Variants in CYBRD1 observed in about 807,000 individuals in gnomAD.
CYBRD1 encodes the protein plasma membrane ascorbate-dependent reductase CYBRD1.
Under a neutral mutation model 21.9 loss-of-function variants are expected in CYBRD1, and 14 were observed. The ratio of observed to expected loss-of-function variants is 0.64; its 90% CI spans 0.42 to 1.00. The LOEUF (loss-of-function observed/expected upper bound fraction) is 1.00, where lower values mean the gene tolerates loss of function less well. CYBRD1 is among the 50% of genes least tolerant of loss of function. CYBRD1 has a pLI of 0.00. For missense variants in CYBRD1, 328 were observed against 352.5 expected (o/e 0.93, Z 0.56); for synonymous variants, 146 against 136.5 (o/e 1.07, Z -0.48).
rs1697328129 is a variant in CYBRD1 at position 171,522,806 on chromosome 2, G to C, written c.193+68G>C. The C allele has an allele frequency of 3.1e-6, 5 of 1,600,544 alleles. No homozygotes were observed. The Admixed American group carries it at 8.7e-5, about 28-fold the overall frequency. On this transcript the variant is annotated intron_variant, in intron 1 of 3. Coordinates refer to ENST00000321348, the MANE Select transcript of CYBRD1 (RefSeq NM_024843.4). The surrounding 1 kb of genome is among the most constrained non-coding windows in gnomAD (Gnocchi z 4.3). ...GAACGGCGGGGGCAGAGGGTCCTCC[G>C]TGAAGCCCCTTCCAGCTGAGGAAGT...
chr2:171,541,741 AC>A lies in CYBRD1; in HGVS notation c.351del (p.Tyr117Ter), dbSNP rs1697635922. The A allele has an allele frequency of 1.9e-6, 3 of 1,613,868 alleles. No individual in the cohort carries two copies. In the African/African-American group the frequency reaches 4.0e-5, roughly 22 times the overall value. On this transcript the variant is annotated frameshift_variant, in exon 2 of 4. Transcript: ENST00000321348. LOFTEE classifies it high-confidence loss of function. ...NHNVNNIANM[Y>X]SLHSWVGLIA... ...AATGTTAACAATATAGCCAATATGT[AC>A]AGTCTGCACAGCTGGGTTGGACTGA...
At chr2:171,522,251 C>A, upstream of CYBRD1, 2 of 1,549,950 alleles carry the variant, frequency 1.3e-6, no homozygotes, top group East Asian at 2.4e-5. The surrounding 1 kb of genome is among the most constrained non-coding windows in gnomAD (Gnocchi z 4.3). Context: ...AGGTCTGTTA[C>A]TGAAGCCCTC....
At position 171,553,516 on chromosome 2, in the gene CYBRD1, T is replaced by C. The variant is rs1041285062; in HGVS notation, c.557+16T>C. 6.2e-7 allele frequency: 1 copy of C among 1,605,146 alleles called. No individual in the cohort carries two copies. The highest frequency in any genetic ancestry group is 8.5e-7 in the Non-Finnish European group (1 of 1,175,066). The stretch of plus-strand genomic sequence containing the variant: ...TTTTTTCCCTGTAAGTTGCATAGTC[T>C]TCTTAATTGTAATACTTAAGCCACA... On this transcript the variant is annotated intron_variant, in intron 3 of 3. Transcript: ENST00000321348.
chr2:171,549,423 C>T (rs541616046), intron 2 of CYBRD1, among the ~76,000 whole-genome samples: 1 of 152,186 alleles, frequency 6.6e-6, no homozygotes, highest in East Asian at 1.9e-4. Flanking sequence ...TTGTCTATTT[C>T]TAATTATAAA....
At chr2:171,522,350 A>T (rs1315718126), upstream of CYBRD1, 8 of 1,510,054 alleles carry the variant, frequency 5.3e-6, no homozygotes, top group Non-Finnish European at 7.1e-6. This position sits in a 1 kb window ranked among gnomAD's most constrained non-coding sequence, Gnocchi z 4.3. Flanking sequence ...GGTGGGGCCC[A>T]TTTCTGAGTT....
At chr2:171,540,050 T>C (rs1314156528) in intron 1 of CYBRD1, among the ~76,000 whole-genome samples, 1 of 152,074 alleles carries the variant, frequency 6.6e-6, no homozygotes, top group East Asian at 1.9e-4. Context: ...TTAATTGGAG[T>C]TTGTTCTACA....
intron 2 of CYBRD1, among the ~76,000 whole-genome samples, chr2:171,542,897 T>A (rs1222712940): frequency 2.0e-5 from 3 of 151,972 alleles, no homozygotes; most frequent in Non-Finnish European, 4.4e-5. Context: ...AATAAATAAA[T>A]AAAAATCTTT....
In CYBRD1 at chr2:171,557,027, T is replaced by C. The variant is rs910803335; in HGVS notation, c.*2200T>C. 1 of 152,616 alleles carries C rather than the reference T, an allele frequency of 6.6e-6. No homozygotes were observed. Among genetic ancestry groups the C allele is most frequent in the African/African-American group, 2.4e-5 (1 of 41,436 alleles). The allele number at this position is 152,616 out of a possible 1,614,324, so 9.5% of individuals were successfully genotyped here. On this transcript the variant is annotated 3_prime_UTR_variant, in exon 4 of 4. Transcript: ENST00000321348. Reference sequence around the variant, plus strand: ...ACTAGAATAGCACTGTTGCAAAGTATTTAAGCACCCCCCATCTCAGCCCTT... The same window carrying C: ...ACTAGAATAGCACTGTTGCAAAGTACTTAAGCACCCCCCATCTCAGCCCTT...
chr2:171,539,523 G>A lies in CYBRD1; in HGVS notation c.194-2062G>A, dbSNP rs149696591. Among the ~76,000 whole-genome samples, 12 of 152,190 alleles carry A rather than the reference G, an allele frequency of 7.9e-5. No individual in the cohort carries two copies. In the East Asian group the frequency reaches 1.5e-3, roughly 20 times the overall value. ...CCCTGCTGATATAGTGGAATCCATC[G>A]TCTGAGGAAGTATTCTATAAACTTT... is the stretch of plus-strand genomic sequence containing the variant. On this transcript the variant is annotated intron_variant, in intron 1 of 3. Transcript: ENST00000321348.
At chr2:171,528,190 A>C (rs560424307) in intron 1 of CYBRD1, among the ~76,000 whole-genome samples, 1 of 152,086 alleles carries the variant, frequency 6.6e-6, no homozygotes, top group South Asian at 2.1e-4. Flanking sequence ...GGTTCAAGCG[A>C]TTCTCCTGCC....
At chr2:171,524,760 TC>T (rs141517724) in intron 1 of CYBRD1, among the ~76,000 whole-genome samples, 2,926 of 152,310 alleles carry the variant, frequency 0.019, 61 homozygotes, top group Non-Finnish European at 0.025. Context: ...GCGAAAACCT[TC>T]ATCTAAAATA....
Position 171,556,864 on chromosome 2 carries a change from A to G in CYBRD1, c.*2037A>G, listed in dbSNP as rs1384877847. ...CATTTGATAAGTTGGATGTTCCATT[A>G]CATAGAGGAACACAAAATTCCAGGG... On this transcript the variant is annotated 3_prime_UTR_variant, in exon 4 of 4. Transcript: ENST00000321348. 1.3e-5 allele frequency: 2 copies of G among 152,326 alleles called. No individual in the cohort carries two copies. Among genetic ancestry groups the G allele is most frequent in the Non-Finnish European group, 1.5e-5 (1 of 68,040 alleles). The allele number at this position is 152,326 out of a possible 1,614,324, so 9.4% of individuals were successfully genotyped here.
At chr2:171,522,290 G>T (rs966071725), upstream of CYBRD1, 16 of 1,546,016 alleles carry the variant, frequency 1.0e-5, no homozygotes, top group Non-Finnish European at 1.3e-5. The surrounding 1 kb of genome is among the most constrained non-coding windows in gnomAD (Gnocchi z 4.3). Flanking sequence ...ACGAGGGAGA[G>T]GGTGAGGCCA....
At chr2:171,552,444 T>C (rs1433393944) in intron 2 of CYBRD1, among the ~76,000 whole-genome samples, 1 of 152,174 alleles carries the variant, frequency 6.6e-6, no homozygotes, top group Non-Finnish European at 1.5e-5. Context: ...GTCTCCCCAT[T>C]AGCCCTTGGA....
At chr2:171,550,783 G>A (rs535367410) in intron 2 of CYBRD1, among the ~76,000 whole-genome samples, 2 of 152,202 alleles carry the variant, frequency 1.3e-5, no homozygotes, top group South Asian at 4.2e-4. Context: ...GATTGTAAGA[G>A]ACACACATGA....
rs1300767789 is a variant in CYBRD1 at position 171,557,474 on chromosome 2, A to G, written c.*2647A>G. 1 of 152,216 alleles carries G rather than the reference A, an allele frequency of 6.6e-6. No individual in the cohort carries two copies. Among genetic ancestry groups the G allele is most frequent in the African/African-American group, 2.4e-5 (1 of 41,452 alleles). 9.4% of individuals were successfully genotyped at this position (152,216 alleles called of 1,614,324 possible). A position where few individuals can be genotyped will look rare whatever the true frequency, so the allele number is the denominator to read the frequency against. ...TAAAGCCTTTTCTCTCAAAGCGTTT[A>G]TTGAGAAACTCAAATGAATATACTT... On this transcript the variant is annotated 3_prime_UTR_variant, in exon 4 of 4. Transcript: ENST00000321348.
Position 171,554,829 on chromosome 2 carries a change from A to G in CYBRD1, c.*2A>G, listed in dbSNP as rs1012324620. ...GCTGGGCAGAGATCTACCATGTAAAATGTTGTAGAGATAGAGCCATATAAC... is the reference window on the plus strand; with the variant it reads ...GCTGGGCAGAGATCTACCATGTAAAGTGTTGTAGAGATAGAGCCATATAAC... On this transcript the variant is annotated 3_prime_UTR_variant, in exon 4 of 4. Coordinates refer to ENST00000321348, the MANE Select transcript of CYBRD1 (RefSeq NM_024843.4). The G allele has an allele frequency of 2.5e-6, 4 of 1,612,638 alleles. No individual in the cohort carries two copies. Among genetic ancestry groups the G allele is most frequent in the Non-Finnish European group, 2.5e-6 (3 of 1,179,816 alleles).
chr2:171,543,684 A>G (rs1161244009), intron 2 of CYBRD1, among the ~76,000 whole-genome samples: 1 of 150,262 alleles, frequency 6.7e-6, no homozygotes, highest in Non-Finnish European at 1.5e-5. Flanking sequence ...ATTAAATCAT[A>G]TATTGTTTAA....
In CYBRD1 at chr2:171,541,935, G is replaced by T. The variant is rs983250978; in HGVS notation, c.402+142G>T. On this transcript the variant is annotated intron_variant, in intron 2 of 3. Transcript: ENST00000321348. Reference sequence around the variant, plus strand: ...GCTGGAGTGCAGTGCTGCGATCTTGGCTCACTGCAACCACTGTCTCCAGGG... The same window carrying T: ...GCTGGAGTGCAGTGCTGCGATCTTGTCTCACTGCAACCACTGTCTCCAGGG... 2.0e-5 allele frequency: 14 copies of T among 699,454 alleles called. 1 individual carries two copies. The Admixed American group carries it at 2.9e-4, about 15-fold the overall frequency. 43.3% of individuals were successfully genotyped at this position (699,454 alleles called of 1,614,324 possible).
Sources: allele counts gnomAD v4.1 joint callset (sites outside exome capture counted in the v4.1 genomes callset), GRCh38; gene constraint gnomAD v4.1.1; non-coding constraint Gnocchi (gnomAD v3.1); transcripts MANE v1.5; gene names NCBI Gene and HGNC (gene_info 2026-07-23, HGNC 2026-07-21).